Variants in PUDP observed in about 807,000 individuals in gnomAD.
The protein encoded by PUDP is pseudouridine-5'-phosphatase.
PUDP carries 8 observed loss-of-function variants against 9.4 expected under a neutral mutation model. That is an observed-to-expected ratio of 0.85 (90% confidence interval 0.50 to 1.53). The LOEUF is 1.53. Among genes scored for constraint, PUDP ranks in the 40% most tolerant of loss-of-function variants. The pLI is 0.00. For synonymous variants in PUDP, 99 were observed against 80.7 expected (o/e 1.23, Z -1.22); for missense variants, 188 against 189.7 (o/e 0.99, Z 0.05).
At chrX:6,860,597 G>A (rs1926985390) in intron 3 of PUDP, among the ~76,000 whole-genome samples, 1 of 110,252 alleles carries the variant, frequency 9.1e-6, no homozygotes, top group African/African-American at 3.3e-5. Flanking sequence ...TCAGCCTCCC[G>A]AGTAGGTGGG....
chrX:6,801,818 T>G (rs1925939177), intron 3 of PUDP, among the ~76,000 whole-genome samples: 2 of 111,981 alleles, frequency 1.8e-5, no homozygotes, highest in African/African-American at 3.2e-5. Context: ...GCCCTGTTAG[T>G]AGGTGACAGT....
At chrX:7,129,281 G>A (rs768451477) in intron 1 of PUDP, among the ~76,000 whole-genome samples, 3 of 112,242 alleles carry the variant, frequency 2.7e-5, no homozygotes, top group African/African-American at 9.7e-5. Flanking sequence ...GCACTATATA[G>A]AAAATGAGGT....
At chrX:7,003,919 T>C (rs1290818982) in intron 1 of PUDP, among the ~76,000 whole-genome samples, 4 of 111,763 alleles carry the variant, frequency 3.6e-5, no homozygotes, top group East Asian at 5.6e-4. Context: ...CTCTGTTGCC[T>C]AGGCTGGAGT....
intron 3 of PUDP, among the ~76,000 whole-genome samples, chrX:6,809,355 T>C (rs1926103939): frequency 1.8e-5 from 2 of 109,931 alleles, no homozygotes; most frequent in Middle Eastern, 4.7e-3. Flanking sequence ...TGGAGTACAG[T>C]GGCGCGATCA....
intron 2 of PUDP, among the ~76,000 whole-genome samples, chrX:7,091,208 C>A (rs1157672059): frequency 9.0e-6 from 1 of 111,658 alleles, no homozygotes; most frequent in African/African-American, 3.3e-5. Flanking sequence ...GGGAAAGATA[C>A]CGAGGAACAG....
intron 3 of PUDP, among the ~76,000 whole-genome samples, chrX:6,852,100 T>C (rs769137078): frequency 2.1e-4 from 23 of 112,079 alleles, no homozygotes; most frequent in Non-Finnish European, 4.1e-4. Context: ...CCTGTACAGA[T>C]GCATTTGACC....
At chrX:7,114,531 A>C (rs997054599) in intron 1 of PUDP, among the ~76,000 whole-genome samples, 1 of 111,949 alleles carries the variant, frequency 8.9e-6, no homozygotes, top group African/African-American at 3.3e-5. Flanking sequence ...CACACCTCTC[A>C]ATACTGCCAC....
chrX:6,846,754 A>AT (rs1333113435), intron 3 of PUDP, among the ~76,000 whole-genome samples: 1 of 111,707 alleles, frequency 9.0e-6, no homozygotes, highest in Non-Finnish European at 1.9e-5. Context: ...AGTATTTTAT[A>AT]TATTAATATA....
intron 2 of PUDP, among the ~76,000 whole-genome samples, chrX:7,098,570 T>C (rs1479121131): frequency 9.0e-6 from 1 of 111,634 alleles, no homozygotes; most frequent in Non-Finnish European, 1.9e-5. Context: ...AGTGGGCATG[T>C]CAGTCAGTAC....
At chrX:6,786,242 T>C (rs953166009) in intron 3 of PUDP, among the ~76,000 whole-genome samples, 2 of 111,631 alleles carry the variant, frequency 1.8e-5, no homozygotes, top group Admixed American at 1.9e-4. Flanking sequence ...GGGATAGACA[T>C]ACTCAGTCCT....
intron 1 of PUDP, among the ~76,000 whole-genome samples, chrX:7,004,765 T>C (rs1929378147): frequency 3.6e-5 from 4 of 112,102 alleles, no homozygotes; most frequent in African/African-American, 1.3e-4. Context: ...GATTAGGGTA[T>C]GAAAGGAGTA....
In PUDP at chrX:7,077,447, C is replaced by T. The variant is rs769786271; in HGVS notation, c.283G>A (p.Ala95Thr). 13 of 1,203,700 alleles carry T rather than the reference C, an allele frequency of 1.1e-5. No homozygotes were observed. In the Admixed American group the frequency reaches 2.9e-4, roughly 26 times the overall value. ...CGCAGGTGGATGATGAGTTTCTCCG[C>T]CCCTGGGGAGGAGGAGGGAAGGACT... ...VFPTAALMPG[A>T]EKLIIHLRKH... is the part of the protein sequence containing the mutation. The change falls in exon 3 of 4, where the codon GCG becomes ACG. Residue 95 changes from alanine (A) to threonine (T), a missense_variant and splice_region_variant. Physicochemically the swap from Ala to Thr is moderately conservative, Grantham distance 58. Transcript: ENST00000381077.
intron 3 of PUDP, among the ~76,000 whole-genome samples, chrX:6,837,576 C>T (rs991408770): frequency 4.3e-4 from 49 of 112,674 alleles, no homozygotes; most frequent in African/African-American, 1.5e-3. Context: ...ACCCTGGCTC[C>T]AATGTCTACC....
intron 1 of PUDP, among the ~76,000 whole-genome samples, chrX:7,038,338 T>G (rs923990429): frequency 8.9e-6 from 1 of 112,321 alleles, no homozygotes; most frequent in African/African-American, 3.2e-5. Flanking sequence ...GGAGCATCCA[T>G]CTGGGCTATG....
intron 1 of PUDP, among the ~76,000 whole-genome samples, chrX:6,986,061 T>C (rs1159279593): frequency 9.0e-6 from 1 of 111,436 alleles, no homozygotes; most frequent in East Asian, 2.8e-4. Flanking sequence ...TGACAGTTTA[T>C]AAATGCCATG....
intron 1 of PUDP, among the ~76,000 whole-genome samples, chrX:7,000,634 T>C (rs1929312961): frequency 2.8e-5 from 3 of 107,603 alleles, no homozygotes; most frequent in Non-Finnish European, 3.9e-5. Flanking sequence ...ATAAATAAAA[T>C]AGAAAAAAAA....
chrX:6,856,824 G>T (rs1016089980), intron 3 of PUDP, among the ~76,000 whole-genome samples: 3 of 111,965 alleles, frequency 2.7e-5, no homozygotes, highest in African/African-American at 6.5e-5. Flanking sequence ...GCCCTCCCCA[G>T]TGTGGGTATC....
chrX:7,022,717 T>C (rs1334423749), intron 1 of PUDP, among the ~76,000 whole-genome samples: 1 of 112,162 alleles, frequency 8.9e-6, no homozygotes, highest in East Asian at 2.8e-4. Flanking sequence ...TAGAGCATGC[T>C]ATTGTTTCTG....
At chrX:6,842,949 G>A (rs778770211) in intron 3 of PUDP, among the ~76,000 whole-genome samples, 37 of 112,120 alleles carry the variant, frequency 3.3e-4, no homozygotes, top group Non-Finnish European at 5.5e-4. Context: ...TTTTATTCCC[G>A]TGTCAAATGA....
Sources: gnomAD v4.1 joint callset for allele counts (sites outside exome capture counted in the v4.1 genomes callset) on GRCh38, gnomAD v4.1.1 for gene constraint, MANE v1.5 for transcripts, NCBI Gene and HGNC (gene_info 2026-07-23, HGNC 2026-07-21) for gene names.